RC3H1: variants seen among roughly 807,000 people sequenced by gnomAD.
RC3H1 encodes the protein ring finger and CCCH-type domains 1.
A neutral mutation model predicts 138.2 loss-of-function variants in RC3H1; 50 were observed. That is an observed-to-expected ratio of 0.36 (90% CI 0.29 to 0.46). RC3H1 has a LOEUF of 0.46. Among genes scored for constraint, RC3H1 ranks in the 20% least tolerant of loss-of-function variants. The probability of loss-of-function intolerance (pLI) is 1.00; values close to 1 mark genes in which losing one functional copy is unlikely to be tolerated. For synonymous variants in RC3H1, 462 were observed against 489.1 expected (o/e 0.94, Z 0.73); for missense variants, 1,031 against 1,388.1 (o/e 0.74, Z 4.09).
chr1:173,945,881 G>C (rs1659113025), intron 17 of RC3H1, among the ~76,000 whole-genome samples: 1 of 151,746 alleles, frequency 6.6e-6, no homozygotes, highest in African/African-American at 2.4e-5. Flanking sequence ...CTAATTTTTT[G>C]TATTTTTAGT....
In RC3H1 at chr1:173,961,815, A is replaced by G. The variant is rs1241638471; in HGVS notation, c.2112T>C (p.Tyr704=). Residue 704 remains tyrosine, a synonymous_variant, in exon 12 of 20, where the codon TAT becomes TAC. Transcript: ENST00000367696. The part of the protein sequence containing the change: ...IEIPPAAVPS[Y]VPESRERYQQ... Reference sequence around the variant, plus strand: ...GGTATCTTTCTCTGGATTCTGGTACATACGATGGTACTGCTGCAGGTGGAA... The same window carrying G: ...GGTATCTTTCTCTGGATTCTGGTACGTACGATGGTACTGCTGCAGGTGGAA... 2 of 1,613,726 alleles carry G rather than the reference A, an allele frequency of 1.2e-6. No homozygotes were observed. The highest frequency in any genetic ancestry group is 1.7e-6 in the Non-Finnish European group (2 of 1,180,020).
intron 17 of RC3H1, among the ~76,000 whole-genome samples, chr1:173,946,154 G>A (rs1213338361): frequency 6.6e-6 from 1 of 151,770 alleles, no homozygotes; most frequent in Non-Finnish European, 1.5e-5. Flanking sequence ...GGGCAACAGA[G>A]CAATACTGTC....
At chr1:174,003,528 C>G (rs1661597748) in intron 1 of RC3H1, among the ~76,000 whole-genome samples, 1 of 152,072 alleles carries the variant, frequency 6.6e-6, no homozygotes, top group Non-Finnish European at 1.5e-5. Context: ...ACCTTCTTAT[C>G]CATTCCCAAT....
intron 15 of RC3H1, 111 bp from the exon 16 acceptor site, chr1:173,946,947 C>T (rs1023704818): frequency 2.8e-6 from 2 of 709,036 alleles, no homozygotes; most frequent in Admixed American, 5.7e-5. Context: ...CTGGTATCTA[C>T]CCTAAATGTC....
At chr1:173,943,728 C>T (rs1267493975) in intron 17 of RC3H1, 113 bp from the exon 18 acceptor site, 2 of 1,040,704 alleles carry the variant, frequency 1.9e-6, no homozygotes, top group East Asian at 2.8e-5. Flanking sequence ...CAGCCATTTG[C>T]AACAAAATAA....
intron 15 of RC3H1, 87 bp from the exon 16 acceptor site, chr1:173,946,923 G>A: frequency 1.2e-6 from 1 of 865,050 alleles, no homozygotes; most frequent in South Asian, 1.4e-5. Flanking sequence ...TCAGCGTATT[G>A]CATACACAGG....
At chr1:174,011,159 T>C (rs1388378962) in intron 1 of RC3H1, among the ~76,000 whole-genome samples, 1 of 152,146 alleles carries the variant, frequency 6.6e-6, no homozygotes, top group African/African-American at 2.4e-5. Flanking sequence ...TGGAAGAGTC[T>C]TTTGTGCCCT....
At chr1:173,983,977 G>C (rs532140407) in intron 3 of RC3H1, among the ~76,000 whole-genome samples, 3 of 152,272 alleles carry the variant, frequency 2.0e-5, no homozygotes, top group Admixed American at 2.0e-4. Context: ...TGTAAATCTT[G>C]AAGTCCTAAG....
At chr1:173,995,274 C>T (rs1320166310) in intron 1 of RC3H1, among the ~76,000 whole-genome samples, 3 of 152,186 alleles carry the variant, frequency 2.0e-5, no homozygotes, top group Middle Eastern at 3.4e-3. Flanking sequence ...TGGCCCACAC[C>T]TGTAATCCCA....
chr1:174,002,893 T>C (rs1661586010), intron 1 of RC3H1, among the ~76,000 whole-genome samples: 1 of 152,142 alleles, frequency 6.6e-6, no homozygotes, highest in African/African-American at 2.4e-5. Context: ...TTTCCCTGAG[T>C]AATTTCATCT....
intron 7 of RC3H1, among the ~76,000 whole-genome samples, chr1:173,976,438 T>C (rs1437278455): frequency 6.8e-6 from 1 of 146,788 alleles, no homozygotes; most frequent in Non-Finnish European, 1.5e-5. Context: ...GGGGACAGAG[T>C]GAAACTGTAT....
chr1:173,993,822 C>A (rs1306264085), intron 1 of RC3H1, among the ~76,000 whole-genome samples: 3 of 151,280 alleles, frequency 2.0e-5, no homozygotes, highest in Non-Finnish European at 4.4e-5. Context: ...GAGTTCGAGA[C>A]CAGCCTGGCC....
chr1:173,991,374 T>G (rs963007843), intron 2 of RC3H1, among the ~76,000 whole-genome samples: 3 of 152,252 alleles, frequency 2.0e-5, no homozygotes, highest in Admixed American at 1.3e-4. Flanking sequence ...CTTTGCAGAT[T>G]CCTTAACATT....
intron 2 of RC3H1, among the ~76,000 whole-genome samples, chr1:173,989,404 T>C (rs929910943): frequency 1.4e-4 from 22 of 152,348 alleles, no homozygotes; most frequent in African/African-American, 5.3e-4. Flanking sequence ...GGTTTTGCCA[T>C]GTTGCCTAGG....
At chr1:173,958,237 ATTACT>A (rs2102916669) in intron 13 of RC3H1, among the ~76,000 whole-genome samples, 1 of 152,248 alleles carries the variant, frequency 6.6e-6, no homozygotes, top group South Asian at 2.1e-4. Flanking sequence ...AACAAATACG[ATTACT>A]TTAAAGTTGG....
chr1:173,958,119 G>A (rs1477823932), intron 13 of RC3H1, among the ~76,000 whole-genome samples: 1 of 152,064 alleles, frequency 6.6e-6, no homozygotes, highest in Non-Finnish European at 1.5e-5. Context: ...CATAAAGGAT[G>A]CAAGACAAGT....
At position 173,964,179 on chromosome 1, in the gene RC3H1, G is replaced by GAGT. The variant is rs780241365; in HGVS notation, c.1624_1625insACT (p.Glu541_Ser542insTyr). ...TAAGGCAGAAATACTCTTAGGAACA[G>GAGT]ATTCTAGCCTAAGGGAATAATATTA... On this transcript the variant is annotated inframe_insertion, in exon 11 of 20. Transcript: ENST00000367696. 6.2e-7 allele frequency: 1 copy of GAGT among 1,609,172 alleles called. No homozygotes were observed.
In RC3H1 at chr1:174,022,192, T is replaced by G. The variant is rs1661984946; in HGVS notation, c.-247A>C. The stretch of plus-strand genomic sequence containing the variant: ...CGCCGCCGCCGAGGCCACCGTTGAC[T>G]CTGATTCTGTCCCAGGCCGCCGGGC... On this transcript the variant is annotated 5_prime_UTR_variant, in exon 1 of 20. Transcript: ENST00000367696. The surrounding 1 kb of genome is among the most constrained non-coding windows in gnomAD (Gnocchi z 4.2). 1 of 395,520 alleles carries G rather than the reference T, an allele frequency of 2.5e-6. No homozygotes were observed. Among genetic ancestry groups the G allele is most frequent in the African/African-American group, 2.1e-5 (1 of 48,310 alleles). The allele number at this position is 395,520 out of a possible 1,614,324, so 24.5% of individuals were successfully genotyped here. A position where few individuals can be genotyped will look rare whatever the true frequency, so the allele number is the denominator to read the frequency against.
rs377087356 is a variant in RC3H1 at position 173,972,463 on chromosome 1, G to A, written c.1221+46C>T. 9.9e-6 allele frequency: 13 copies of A among 1,315,598 alleles called. 1 individual carries two copies. In the African/African-American group the frequency reaches 1.9e-4, roughly 19 times the overall value. 81.5% of individuals were successfully genotyped at this position (1,315,598 alleles called of 1,614,324 possible). A position where few individuals can be genotyped will look rare whatever the true frequency, so the allele number is the denominator to read the frequency against. ...ACAGTGGTTTACCTATAGTTTTAAGGCATATCCACAGTGGGTTAACTCTAA... is the reference window on the plus strand; with the variant it reads ...ACAGTGGTTTACCTATAGTTTTAAGACATATCCACAGTGGGTTAACTCTAA... On this transcript the variant is annotated intron_variant, in intron 8 of 19. Transcript: ENST00000367696.
Sources: allele counts gnomAD v4.1 joint callset (sites outside exome capture counted in the v4.1 genomes callset), GRCh38; gene constraint gnomAD v4.1.1; non-coding constraint Gnocchi (gnomAD v3.1); transcripts MANE v1.5; gene names NCBI Gene and HGNC (gene_info 2026-07-23, HGNC 2026-07-21).